The following IKZF1 variants were observed in gnomAD, a reference collection of about 807,000 sequenced individuals.
IKZF1 encodes the protein IKAROS family zinc finger 1, also known as DNA-binding protein Ikaros.
In IKZF1, 10 loss-of-function variants were observed where a neutral mutation model predicts 51.7. That is an observed-to-expected ratio of 0.19 (90% confidence interval 0.12 to 0.33). The LOEUF is 0.33. Among genes scored for constraint, IKZF1 ranks in the 10% least tolerant of loss-of-function variants. The pLI, the probability that IKZF1 is intolerant of heterozygous loss-of-function variation, is 1.00. For missense variants in IKZF1, 484 were observed against 707.5 expected (o/e 0.68, Z 3.58); for synonymous variants, 280 against 282.3 (o/e 0.99, Z 0.08).
At chr7:50,375,715 C>A (rs1303382523) in intron 3 of IKZF1, among the ~76,000 whole-genome samples, 5 of 133,748 alleles carry the variant, frequency 3.7e-5, no homozygotes, top group South Asian at 2.8e-4. Flanking sequence ...ACCCCCCCCC[C>A]CCACCCACCA....
intron 3 of IKZF1, among the ~76,000 whole-genome samples, chr7:50,353,369 C>T (rs1362246677): frequency 6.6e-6 from 1 of 152,240 alleles, no homozygotes; most frequent in Non-Finnish European, 1.5e-5. Flanking sequence ...CCTGCCCTAA[C>T]ACCTCCTGCA....
At chr7:50,310,097 C>T (rs757130639) in intron 1 of IKZF1, among the ~76,000 whole-genome samples, 24 of 152,128 alleles carry the variant, frequency 1.6e-4, no homozygotes, top group Non-Finnish European at 2.5e-4. Context: ...TAAATTAAAA[C>T]CATACTGCTA....
At chr7:50,394,768 C>T (rs1208398439) in intron 7 of IKZF1, among the ~76,000 whole-genome samples, 2 of 152,142 alleles carry the variant, frequency 1.3e-5, no homozygotes, top group Non-Finnish European at 2.9e-5. Flanking sequence ...TAAACTTTGA[C>T]GTGAGTGTGA....
chr7:50,348,854 C>A (rs1801068561), intron 3 of IKZF1, among the ~76,000 whole-genome samples: 1 of 152,182 alleles, frequency 6.6e-6, no homozygotes, highest in South Asian at 2.1e-4. Flanking sequence ...AGGAGATAGG[C>A]CCCACTGGCC....
chr7:50,343,324 G>A (rs2153419955), intron 3 of IKZF1, among the ~76,000 whole-genome samples: 1 of 149,184 alleles, frequency 6.7e-6, no homozygotes, highest in East Asian at 2.0e-4. Flanking sequence ...TTGATCATGG[G>A]TACCATTTCA....
chr7:50,377,937 A>G (rs1810765932), intron 4 of IKZF1, among the ~76,000 whole-genome samples: 1 of 152,232 alleles, frequency 6.6e-6, no homozygotes, highest in Non-Finnish European at 1.5e-5. Context: ...AAAATAGTTG[A>G]AAATCCTATT....
chr7:50,342,273 A>C (rs1799225578), intron 3 of IKZF1, among the ~76,000 whole-genome samples: 1 of 152,264 alleles, frequency 6.6e-6, no homozygotes, highest in Non-Finnish European at 1.5e-5. Context: ...AGTAACGAGA[A>C]TACAACAACA....
At position 50,391,754 on chromosome 7, in the gene IKZF1, T is replaced by G; in HGVS notation, c.741T>G (p.Ser247Arg). The change falls in exon 7 of 8, where the codon AGT becomes AGG. Residue 247 changes from serine (S) to arginine (R), a missense_variant. Ser to Arg is a moderately radical substitution (Grantham distance 110). Transcript: ENST00000331340. ...TCATTAAAGAAGAAACTAATCACAG[T>G]GAAATGGCAGAAGACCTGTGCAAGA... ...YPVIKEETNH[S>R]EMAEDLCKIG... is the part of the protein sequence containing the mutation. The G allele has an allele frequency of 3.1e-6, 5 of 1,613,954 alleles. No homozygotes were observed. The highest frequency in any genetic ancestry group is 4.2e-6 in the Non-Finnish European group (5 of 1,179,876).
intron 6 of IKZF1, among the ~76,000 whole-genome samples, chr7:50,390,243 G>A (rs1038431001): frequency 1.9e-4 from 29 of 152,290 alleles, no homozygotes; most frequent in African/African-American, 6.7e-4. Flanking sequence ...TGCAGAGGAA[G>A]ACCCCTGACC....
chr7:50,397,018 G>C (rs916661989), intron 7 of IKZF1, among the ~76,000 whole-genome samples: 1 of 152,180 alleles, frequency 6.6e-6, no homozygotes, highest in Non-Finnish European at 1.5e-5. Context: ...GGTTTCAAAT[G>C]CTTTTCTGAT....
chr7:50,357,708 T>C (rs1378157481), intron 3 of IKZF1, among the ~76,000 whole-genome samples: 2 of 152,060 alleles, frequency 1.3e-5, no homozygotes, highest in African/African-American at 2.4e-5. Context: ...TCCTCCCTGA[T>C]GTGTAGTGTG....
At chr7:50,303,860 G>T (rs1423388950), upstream of IKZF1, among the ~76,000 whole-genome samples, 1 of 148,092 alleles carries the variant, frequency 6.8e-6, no homozygotes, top group Non-Finnish European at 1.5e-5. The surrounding 1 kb of genome is among the most constrained non-coding windows in gnomAD (Gnocchi z 4.7). Context: ...CTGGCGGCCC[G>T]CACGTGTCGC....
intron 3 of IKZF1, among the ~76,000 whole-genome samples, chr7:50,337,892 C>G (rs1798157006): frequency 6.6e-6 from 1 of 152,062 alleles, no homozygotes; most frequent in African/African-American, 2.4e-5. Flanking sequence ...ATTGTGATAC[C>G]CAAAATGTCT....
At chr7:50,364,022 C>CA (rs1323472718) in intron 3 of IKZF1, among the ~76,000 whole-genome samples, 1 of 152,208 alleles carries the variant, frequency 6.6e-6, no homozygotes, top group Admixed American at 6.5e-5. Flanking sequence ...TAAAGAATGA[C>CA]AGCATTTTTT....
chr7:50,358,390 G>A (rs1435614113), intron 3 of IKZF1, among the ~76,000 whole-genome samples: 1 of 152,244 alleles, frequency 6.6e-6, no homozygotes, highest in Admixed American at 6.5e-5. Context: ...TGAGTAGTGG[G>A]CCAATCTCGC....
At chr7:50,365,534 G>T (rs1806633844) in intron 3 of IKZF1, among the ~76,000 whole-genome samples, 1 of 152,148 alleles carries the variant, frequency 6.6e-6, no homozygotes, top group Admixed American at 6.5e-5. Context: ...ATGAAATAAA[G>T]TTCATCATCA....
At chr7:50,343,551 T>C (rs190993821) in intron 3 of IKZF1, among the ~76,000 whole-genome samples, 1 of 152,326 alleles carries the variant, frequency 6.6e-6, no homozygotes, top group African/African-American at 2.4e-5. Context: ...GAATTAGGGA[T>C]TTCCTGGTTT....
chr7:50,360,873 G>A (rs564350036), intron 3 of IKZF1, among the ~76,000 whole-genome samples: 5 of 152,350 alleles, frequency 3.3e-5, no homozygotes, highest in African/African-American at 9.6e-5. Context: ...GATATGGAAA[G>A]GTGGCTCTCC....
intron 3 of IKZF1, among the ~76,000 whole-genome samples, chr7:50,341,569 G>A (rs938203455): frequency 1.1e-4 from 16 of 152,152 alleles, no homozygotes; most frequent in Non-Finnish European, 1.8e-4. Flanking sequence ...ATGATAACTA[G>A]CATCTGTGGA....
Sources: gnomAD v4.1 joint callset for allele counts (sites outside exome capture counted in the v4.1 genomes callset) on GRCh38, gnomAD v4.1.1 for gene constraint, Gnocchi (gnomAD v3.1) non-coding constraint, MANE v1.5 for transcripts, NCBI Gene and HGNC (gene_info 2026-07-23, HGNC 2026-07-21) for gene names.